Variants in GMDS observed in about 807,000 individuals in gnomAD.
GMDS encodes the protein GDP-mannose 4,6-dehydratase.
In GMDS, 20 loss-of-function variants were observed where a neutral mutation model predicts 49.9. The observed-to-expected ratio is 0.40, with a 90% CI of 0.28 to 0.58. GMDS has a LOEUF of 0.58. Ranked by LOEUF, GMDS falls within the 20% of genes least tolerant of loss-of-function variation. The pLI, the probability that GMDS is intolerant of heterozygous loss-of-function variation, is 0.42. For synonymous variants in GMDS, 177 were observed against 178.6 expected (o/e 0.99, Z 0.07); for missense variants, 362 against 481.4 (o/e 0.75, Z 2.32).
At chr6:1,948,331 C>T in intron 6 of GMDS, among the ~76,000 whole-genome samples, 1 of 152,068 alleles carries the variant, frequency 6.6e-6, no homozygotes, top group East Asian at 1.9e-4. Context: ...GAAAAATTTC[C>T]ACTTACAATT....
rs1242759435 is a variant in GMDS at position 2,129,851 on chromosome 6, T to G, written c.103-5120A>C. Among the ~76,000 whole-genome samples the G allele has an allele frequency of 2.0e-5, 3 of 152,228 alleles. No individual in the cohort carries two copies. The East Asian group carries it at 5.8e-4, about 29-fold the overall frequency. On this transcript the variant is annotated intron_variant, in intron 1 of 10. Coordinates refer to ENST00000380815, the MANE Select transcript of GMDS (RefSeq NM_001500.4). ...AATATAATAGAAAGGTGTTTATACCTAGGTCATGTTTGTAACACAAATCAT... is the reference window on the plus strand; with the variant it reads ...AATATAATAGAAAGGTGTTTATACCGAGGTCATGTTTGTAACACAAATCAT...
intron 1 of GMDS, among the ~76,000 whole-genome samples, chr6:2,211,942 C>T (rs1173460403): frequency 6.6e-6 from 1 of 152,152 alleles, no homozygotes; most frequent in Non-Finnish European, 1.5e-5. Context: ...TTCACAGTTT[C>T]GTCACCTAAA....
At chr6:1,784,855 C>T (rs770066104) in intron 7 of GMDS, among the ~76,000 whole-genome samples, 4 of 152,182 alleles carry the variant, frequency 2.6e-5, no homozygotes, top group African/African-American at 9.7e-5. Context: ...TATGCCTTTG[C>T]GGATCTGACT....
chr6:2,004,308 T>A (rs867478320), intron 4 of GMDS, among the ~76,000 whole-genome samples: 1 of 152,190 alleles, frequency 6.6e-6, no homozygotes, highest in Non-Finnish European at 1.5e-5. Flanking sequence ...TAGTGCTTTG[T>A]GGAGATCATG....
chr6:2,014,882 G>A (rs1245490950), intron 4 of GMDS, among the ~76,000 whole-genome samples: 1 of 152,054 alleles, frequency 6.6e-6, no homozygotes, highest in East Asian at 1.9e-4. Flanking sequence ...ATGGATAAGT[G>A]TATATCATGC....
At chr6:2,020,732 T>C (rs1581527595) in intron 4 of GMDS, among the ~76,000 whole-genome samples, 1 of 152,092 alleles carries the variant, frequency 6.6e-6, no homozygotes, top group East Asian at 1.9e-4. Flanking sequence ...AGTGATTCTG[T>C]TAATAGTCAA....
chr6:1,960,800 G>T lies in GMDS; in HGVS notation c.512C>A (p.Thr171Asn). 5.0e-6 allele frequency: 8 copies of T among 1,604,630 alleles called. No individual in the cohort carries two copies. The highest frequency in any genetic ancestry group is 6.8e-6 in the Non-Finnish European group (8 of 1,172,712). The change falls in exon 5 of 11, where the codon ACC (threonine) becomes AAC (asparagine). Residue 171 changes from threonine to asparagine, a missense_variant. By Grantham distance (65) the Thr-to-Asn change is moderately conservative (BLOSUM62 0). Transcript: ENST00000380815. ...ATAGGGTGACCGGGGATAGAAAGGG[G>T]TGGTCTCCTTCTGGGGTATTTCCTG... ...KVQEIPQKET[T>N]PFYPRSPYGA...
chr6:2,080,091 C>T (rs896014634), intron 4 of GMDS, among the ~76,000 whole-genome samples: 3 of 152,134 alleles, frequency 2.0e-5, no homozygotes, highest in East Asian at 1.9e-4. Flanking sequence ...TCTGCTTAAT[C>T]TAGACTATTG....
intron 1 of GMDS, among the ~76,000 whole-genome samples, chr6:2,169,722 A>C (rs959433802): frequency 2.0e-5 from 3 of 152,188 alleles, no homozygotes; most frequent in Non-Finnish European, 4.4e-5. Flanking sequence ...TGATTTCATA[A>C]AATATTTGCC....
Position 1,833,303 on chromosome 6 carries a change from C to A in GMDS, c.772-90717G>T, listed in dbSNP as rs1756763010. Among the ~76,000 whole-genome samples the A allele has an allele frequency of 6.6e-6, 1 of 151,842 alleles. No individual in the cohort carries two copies. The highest frequency in any genetic ancestry group is 2.1e-4 in the South Asian group (1 of 4,778). On this transcript the variant is annotated intron_variant, in intron 7 of 10. Transcript: ENST00000380815. The surrounding 1 kb of genome is among the most constrained non-coding windows in gnomAD (Gnocchi z 4.4). ...GAGAAGGGGAGGCCCCAGAACAACA[C>A]TGGACACATCAAATGTCCTCCCTTC...
chr6:1,994,968 T>C (rs1766186766), intron 4 of GMDS, among the ~76,000 whole-genome samples: 1 of 152,220 alleles, frequency 6.6e-6, no homozygotes, highest in African/African-American at 2.4e-5. Context: ...AAGAACTTTT[T>C]TGAACACTAT....
intron 6 of GMDS, among the ~76,000 whole-genome samples, chr6:1,947,859 C>T (rs1262046586): frequency 2.0e-5 from 3 of 152,224 alleles, no homozygotes; most frequent in South Asian, 4.1e-4. Context: ...TTATCACTTA[C>T]TAAGCTCTGA....
intron 9 of GMDS, among the ~76,000 whole-genome samples, chr6:1,716,598 G>C (rs1766183755): frequency 6.6e-6 from 1 of 152,202 alleles, no homozygotes. Flanking sequence ...GGCTGCGTGA[G>C]AGAAGGCCTG....
At chr6:1,945,878 C>T (rs374315677) in intron 6 of GMDS, among the ~76,000 whole-genome samples, 1 of 152,134 alleles carries the variant, frequency 6.6e-6, no homozygotes, top group Non-Finnish European at 1.5e-5. Context: ...ATTCTAAAAC[C>T]GAAGGTATCT....
intron 1 of GMDS, among the ~76,000 whole-genome samples, chr6:2,239,921 C>T (rs1466798214): frequency 1.3e-5 from 2 of 152,166 alleles, no homozygotes; most frequent in Admixed American, 6.5e-5. Flanking sequence ...CTCCTGACCT[C>T]GTGATCCAGA....
At chr6:2,212,864 T>G (rs1186729410) in intron 1 of GMDS, among the ~76,000 whole-genome samples, 3 of 152,186 alleles carry the variant, frequency 2.0e-5, no homozygotes, top group Admixed American at 1.3e-4. Flanking sequence ...AGGGCAGTAT[T>G]TTCTGAATGG....
intron 7 of GMDS, among the ~76,000 whole-genome samples, chr6:1,745,470 G>T (rs1240435435): frequency 6.7e-6 from 1 of 150,336 alleles, no homozygotes; most frequent in African/African-American, 2.5e-5. Context: ...TTGGCTACTG[G>T]TGGATCACTT....
At chr6:2,015,465 G>A (rs1056900238) in intron 4 of GMDS, among the ~76,000 whole-genome samples, 1 of 152,106 alleles carries the variant, frequency 6.6e-6, no homozygotes, top group Non-Finnish European at 1.5e-5. Context: ...ACTAATAAAA[G>A]TAAAACTACA....
chr6:2,104,123 G>A (rs572588501), intron 4 of GMDS, among the ~76,000 whole-genome samples: 1 of 152,336 alleles, frequency 6.6e-6, no homozygotes, highest in East Asian at 1.9e-4. Flanking sequence ...GCTGCAACTT[G>A]TGCGTGGTTT....
Sources: allele counts gnomAD v4.1 joint callset (sites outside exome capture counted in the v4.1 genomes callset), GRCh38; gene constraint gnomAD v4.1.1; non-coding constraint Gnocchi (gnomAD v3.1); transcripts MANE v1.5; gene names NCBI Gene and HGNC (gene_info 2026-07-23, HGNC 2026-07-21).